Variants in MYO5B observed in about 807,000 individuals in gnomAD.
MYO5B encodes the protein myosin VB.
Under a neutral mutation model 229.3 loss-of-function variants are expected in MYO5B, and 143 were observed. The ratio of observed to expected loss-of-function variants is 0.62; its 90% CI spans 0.54 to 0.72. The LOEUF is 0.72. MYO5B is among the 30% of genes least tolerant of loss of function. MYO5B has a pLI of 0.00. For missense variants in MYO5B, 2,321 were observed against 2,331.0 expected, an observed-to-expected ratio of 1.00 and a Z score of 0.09; for synonymous variants, 918 against 885.2, an observed-to-expected ratio of 1.04 and a Z score of -0.66.
Position 50,195,039 on chromosome 18 carries a change from A to T in MYO5B, c.-246T>A. ...CAGGAGTTGCGAGCGCCGGGGGAGGAGGCCGCGCCGCACCACTCCCCTCCC... is the reference window on the plus strand; with the variant it reads ...CAGGAGTTGCGAGCGCCGGGGGAGGTGGCCGCGCCGCACCACTCCCCTCCC... On this transcript the variant is annotated 5_prime_UTR_variant, in exon 1 of 40. Transcript: ENST00000285039. The T allele has an allele frequency of 2.7e-6, 1 of 371,976 alleles. No homozygotes were observed. Among genetic ancestry groups the T allele is most frequent in the East Asian group, 4.4e-5 (1 of 22,782 alleles). The allele number at this position is 371,976 out of a possible 1,614,324, so 23.0% of individuals were successfully genotyped here. A position where few individuals can be genotyped will look rare whatever the true frequency, so the allele number is the denominator to read the frequency against.
At chr18:50,016,134 T>C (rs2026212831) in intron 4 of MYO5B, among the ~76,000 whole-genome samples, 1 of 152,216 alleles carries the variant, frequency 6.6e-6, no homozygotes, top group Non-Finnish European at 1.5e-5. Context: ...GAAAGCATGA[T>C]CAGAGTGCCA....
At chr18:50,145,933 AC>A (rs1474253571) in intron 1 of MYO5B, among the ~76,000 whole-genome samples, 3 of 152,228 alleles carry the variant, frequency 2.0e-5, no homozygotes, top group African/African-American at 7.2e-5. Context: ...GATGGAAGAA[AC>A]CATTTACCAA....
chr18:49,864,336 C>G lies in MYO5B; in HGVS notation c.3648G>C (p.Leu1216=), dbSNP rs776721286. The G allele has an allele frequency of 6.2e-7, 1 of 1,614,066 alleles. No individual in the cohort carries two copies. The highest frequency in any genetic ancestry group is 2.2e-5 in the East Asian group (1 of 44,864). The change falls in exon 28 of 40, where the codon CTG becomes CTC. Residue 1216 remains leucine (L), a synonymous_variant. Transcript: ENST00000285039. Reference sequence around the variant, plus strand: ...CGGCCACGGCTTTCCTCAGCTCATTCAGGTCATTCTTCAGCTTTTTGTTCT... The same window carrying G: ...CGGCCACGGCTTTCCTCAGCTCATTGAGGTCATTCTTCAGCTTTTTGTTCT... ...ESENKKLKND[L]NELRKAVADQ...
intron 1 of MYO5B, among the ~76,000 whole-genome samples, chr18:50,192,759 A>G (rs1365044238): frequency 6.6e-6 from 1 of 152,222 alleles, no homozygotes; most frequent in Admixed American, 6.5e-5. Flanking sequence ...TTTCCAGTTA[A>G]TAATGTAAAA....
At chr18:49,984,364 T>C (rs2025848083) in intron 8 of MYO5B, among the ~76,000 whole-genome samples, 1 of 152,236 alleles carries the variant, frequency 6.6e-6, no homozygotes, top group Non-Finnish European at 1.5e-5. Context: ...ATTGTGTTCT[T>C]CCTGCTAGAG....
chr18:49,859,744 C>T (rs2024305536), intron 29 of MYO5B, among the ~76,000 whole-genome samples: 2 of 152,192 alleles, frequency 1.3e-5, no homozygotes, highest in South Asian at 4.1e-4. Context: ...GAAATGATCA[C>T]CTCCTTGAAA....
intron 1 of MYO5B, among the ~76,000 whole-genome samples, chr18:50,184,868 A>G (rs922952657): frequency 8.0e-6 from 1 of 125,786 alleles, no homozygotes; most frequent in Non-Finnish European, 1.7e-5. Flanking sequence ...GTGAGACCCT[A>G]TCTCTACACA....
In MYO5B at chr18:49,839,055, G is replaced by C. The variant is rs2024024314; in HGVS notation, c.4852+89C>G. On this transcript the variant is annotated intron_variant, in intron 36 of 39. Transcript: ENST00000285039. ...TCTGGAGGTCATGGCTAAGATATCTGGTTCCCGAAAGGCAGAGGGTGCTGA... is the reference window on the plus strand; with the variant it reads ...TCTGGAGGTCATGGCTAAGATATCTCGTTCCCGAAAGGCAGAGGGTGCTGA... The C allele has an allele frequency of 2.0e-5, 31 of 1,526,812 alleles. No individual in the cohort carries two copies. In the South Asian group the frequency reaches 3.3e-4, roughly 16 times the overall value. 94.6% of individuals were successfully genotyped at this position (1,526,812 alleles called of 1,614,324 possible).
At chr18:50,173,335 G>C (rs1479896642) in intron 1 of MYO5B, among the ~76,000 whole-genome samples, 1 of 152,066 alleles carries the variant, frequency 6.6e-6, no homozygotes, top group Admixed American at 6.6e-5. Context: ...GGAAGACAGG[G>C]ATGCTAATGG....
intron 5 of MYO5B, among the ~76,000 whole-genome samples, chr18:49,994,656 G>A (rs758969190): frequency 1.5e-3 from 225 of 152,276 alleles, no homozygotes; most frequent in African/African-American, 3.6e-3. Context: ...AAGAGTTTAC[G>A]TAATCAGCTT....
chr18:50,123,817 C>T (rs141232543), intron 1 of MYO5B, among the ~76,000 whole-genome samples: 25 of 152,296 alleles, frequency 1.6e-4, no homozygotes, highest in African/African-American at 5.1e-4. Context: ...TGGAAGCCTG[C>T]TACACGTAAA....
chr18:50,136,056 C>T (rs1313031876), intron 1 of MYO5B, among the ~76,000 whole-genome samples: 1 of 152,230 alleles, frequency 6.6e-6, no homozygotes, highest in Non-Finnish European at 1.5e-5. Context: ...GTCCTCTAAG[C>T]CTGCCCCACA....
At position 50,047,019 on chromosome 18, in the gene MYO5B, A is replaced by G. The variant is rs1159923037; in HGVS notation, c.139-6705T>C. 1.3e-5 allele frequency among the ~76,000 whole-genome samples: 2 copies of G among 152,236 alleles called. 1 individual carries two copies. The highest frequency in any genetic ancestry group is 2.9e-5 in the Non-Finnish European group (2 of 68,052). On this transcript the variant is annotated intron_variant, in intron 2 of 39. Transcript: ENST00000285039. Reference sequence around the variant, plus strand: ...AAACCTAGGCAATACCATTCAGGACATAGGCATGGGCAAGGACTTCATGTC... The same window carrying G: ...AAACCTAGGCAATACCATTCAGGACGTAGGCATGGGCAAGGACTTCATGTC...
Position 50,184,174 on chromosome 18 carries a change from G to A in MYO5B, c.27+10593C>T, listed in dbSNP as rs78919981. ...TCTCGTTTGGGACTACATGGCCTAA[G>A]GAAAACCAAAAGCAGGGGTTCTGCC... On this transcript the variant is annotated intron_variant, in intron 1 of 39. Coordinates refer to ENST00000285039, the MANE Select transcript of MYO5B (RefSeq NM_001080467.3). Among the ~76,000 whole-genome samples, 402 of 151,856 alleles carry A rather than the reference G, an allele frequency of 2.6e-3. 13 individuals are homozygous for A. The East Asian group carries it at 0.071, about 27-fold the overall frequency.
At chr18:49,887,051 T>C (rs80110214) in intron 22 of MYO5B, among the ~76,000 whole-genome samples, 1 of 152,150 alleles carries the variant, frequency 6.6e-6, no homozygotes, top group Non-Finnish European at 1.5e-5. Flanking sequence ...GGATCCCTCA[T>C]GAATGCTGTA....
intron 13 of MYO5B, 150 bp from the exon 14 acceptor site, chr18:49,953,493 A>T (rs1158008095): frequency 2.8e-6 from 2 of 719,844 alleles, no homozygotes; most frequent in East Asian, 5.4e-5. Context: ...CAAACCCAAT[A>T]AATGGTCAGG....
At chr18:50,104,769 T>C (rs1015020747) in intron 1 of MYO5B, among the ~76,000 whole-genome samples, 2 of 152,200 alleles carry the variant, frequency 1.3e-5, no homozygotes, top group East Asian at 3.8e-4. Context: ...AAAATTCTTT[T>C]ATCCAGGGAA....
chr18:50,008,476 G>A (rs2026127314), intron 4 of MYO5B, among the ~76,000 whole-genome samples: 6 of 152,162 alleles, frequency 3.9e-5, no homozygotes. Flanking sequence ...GTTACTGCCT[G>A]CAAACTTTGT....
rs11289681 is a variant in MYO5B, at chr18:50,037,251, TA to T, written c.311-258del. On this transcript the variant is annotated intron_variant, in intron 3 of 39. Coordinates refer to ENST00000285039, the MANE Select transcript of MYO5B (RefSeq NM_001080467.3). ...CACACACACACTCACTCACAAATGC[TA>T]AAAAAAAAAAATTGAGTTAATAAAA... Among the ~76,000 whole-genome samples, 143,656 of 148,748 alleles carry T rather than the reference TA, an allele frequency of 0.97. 69,524 individuals are homozygous for T. Among genetic ancestry groups the T allele is most frequent in the South Asian group, 1 (4,637 of 4,644 alleles).
Sources: gnomAD v4.1 joint callset for allele counts (sites outside exome capture counted in the v4.1 genomes callset) on GRCh38, gnomAD v4.1.1 for gene constraint, MANE v1.5 for transcripts, NCBI Gene and HGNC (gene_info 2026-07-23, HGNC 2026-07-21) for gene names.